PHIP: variants seen among roughly 807,000 people sequenced by gnomAD.
The protein encoded by PHIP is PH-interacting protein.
Under a neutral mutation model 236.8 loss-of-function variants are expected in PHIP, and 54 were observed. The ratio of observed to expected loss-of-function variants is 0.23; its 90% CI spans 0.18 to 0.29. The LOEUF (loss-of-function observed/expected upper bound fraction) is 0.29. PHIP is among the 10% of genes least tolerant of loss of function. The pLI, the probability that PHIP is intolerant of heterozygous loss-of-function variation, is 1.00. For missense variants in PHIP, 1,370 were observed against 2,190.8 expected (o/e 0.63, Z 7.48); for synonymous variants, 756 against 718.9 (o/e 1.05, Z -0.83).
At chr6:78,991,838 A>T (rs1562160026) in intron 19 of PHIP, among the ~76,000 whole-genome samples, 1 of 150,890 alleles carries the variant, frequency 6.6e-6, no homozygotes, top group Non-Finnish European at 1.5e-5. Flanking sequence ...CTTGGATTTA[A>T]TTTTTTTGTT....
Position 79,016,527 on chromosome 6 carries a change from C to A in PHIP, c.1235+17G>T, listed in dbSNP as rs773555763. 67 of 1,531,390 alleles carry A rather than the reference C, an allele frequency of 4.4e-5. No homozygotes were observed. Among genetic ancestry groups the A allele is most frequent in the Non-Finnish European group, 5.7e-5 (63 of 1,107,070 alleles). 94.9% of individuals were successfully genotyped at this position (1,531,390 alleles called of 1,614,324 possible). A position where few individuals can be genotyped will look rare whatever the true frequency, so the allele number is the denominator to read the frequency against. On this transcript the variant is annotated intron_variant, in intron 13 of 39. Coordinates refer to ENST00000275034, the MANE Select transcript of PHIP (RefSeq NM_017934.7). ...AAAAATCAATATATACATAATATTTCAAATTTGACCTCTTACCCTGCTGGA... is the reference window on the plus strand; with the variant it reads ...AAAAATCAATATATACATAATATTTAAAATTTGACCTCTTACCCTGCTGGA...
intron 17 of PHIP, among the ~76,000 whole-genome samples, chr6:78,999,162 T>C (rs138707737): frequency 3.9e-5 from 6 of 152,300 alleles, no homozygotes; most frequent in Non-Finnish European, 7.4e-5. Flanking sequence ...AGGGAGAAAC[T>C]TGTATTTTAA....
At chr6:78,950,301 A>T (rs1219858198) in intron 35 of PHIP, among the ~76,000 whole-genome samples, 1 of 152,170 alleles carries the variant, frequency 6.6e-6, no homozygotes, top group African/African-American at 2.4e-5. Flanking sequence ...ATTTCGTTAA[A>T]GGTTTTTCTT....
chr6:79,003,812 G>GGA lies in PHIP; in HGVS notation c.1569_1570dup (p.Pro524LeufsTer17). The GGA allele has an allele frequency of 6.2e-7, 1 of 1,610,546 alleles. No homozygotes were observed. Among genetic ancestry groups the GGA allele is most frequent in the Non-Finnish European group, 8.5e-7 (1 of 1,177,822 alleles). On this transcript the variant is annotated frameshift_variant, in exon 16 of 40. Coordinates refer to ENST00000275034, the MANE Select transcript of PHIP (RefSeq NM_017934.7). LOFTEE classifies it high-confidence loss of function. The stretch of plus-strand genomic sequence containing the variant: ...TGTGCATGCAAAATGCTGACCATCA[G>GGA]GAGAGCATTTGCAGTCAAATACTGC...
intron 6 of PHIP, among the ~76,000 whole-genome samples, chr6:79,054,555 AAAGAT>A (rs1772973975): frequency 6.6e-6 from 1 of 151,602 alleles, no homozygotes; most frequent in Admixed American, 6.6e-5. Context: ...CATATTAGAA[AAAGAT>A]AAGTGAACAG....
intron 19 of PHIP, among the ~76,000 whole-genome samples, chr6:78,995,259 T>C (rs116280080): frequency 1.2e-3 from 188 of 152,368 alleles, no homozygotes; most frequent in African/African-American, 4.3e-3. Context: ...TTTAACCATC[T>C]ACCCACTAAA....
In PHIP at chr6:78,945,348, G is replaced by A. The variant is rs775318448; in HGVS notation, c.4780C>T (p.Leu1594Phe). ...TTTGAAAGAGTGGACGCCTTTGGGA[G>A]TACAGATGACTTCATTTTACGTTTG... ...PVKRKMKSSV[L>F]PKASTLSKSS... Residue 1594 changes from leucine (L) to phenylalanine (F), a missense_variant, in exon 39 of 40, where the codon CTC (leucine) becomes TTC (phenylalanine). This residue lies in a region of PHIP where 309 missense variants were observed against 328.3 expected (regional missense o/e 0.94). Coordinates refer to ENST00000275034, the MANE Select transcript of PHIP (RefSeq NM_017934.7). The A allele has an allele frequency of 6.2e-7, 1 of 1,613,656 alleles. No homozygotes were observed. The highest frequency in any genetic ancestry group is 8.5e-7 in the Non-Finnish European group (1 of 1,179,694).
intron 7 of PHIP, among the ~76,000 whole-genome samples, chr6:79,031,692 G>A (rs1276630061): frequency 6.6e-6 from 1 of 152,136 alleles, no homozygotes; most frequent in African/African-American, 2.4e-5. Flanking sequence ...TGCACTTTAG[G>A]ATGAAGGAAG....
chr6:79,025,699 G>T, intron 8 of PHIP, 80 bp from the exon 9 acceptor site: 2 of 897,752 alleles, frequency 2.2e-6, no homozygotes, highest in South Asian at 1.4e-5. Flanking sequence ...CATACAAATA[G>T]CAACTAACAA....
At position 78,951,848 on chromosome 6, in the gene PHIP, C is replaced by T. The variant is rs537899119; in HGVS notation, c.4053+2966G>A. On this transcript the variant is annotated intron_variant, in intron 35 of 39. Transcript: ENST00000275034. ...ACTGGTGCACTGGACATAAGGGATA[C>T]GGGTTCCCATTGTGGCTTTGTCTAT... Among the ~76,000 whole-genome samples the T allele has an allele frequency of 3.9e-5, 6 of 152,262 alleles. No homozygotes were observed. The South Asian group carries it at 6.2e-4, about 16-fold the overall frequency.
chr6:79,017,604 T>C, intron 10 of PHIP, 21 bp from the exon 11 acceptor site: 1 of 1,526,956 alleles, frequency 6.5e-7, no homozygotes, highest in Non-Finnish European at 9.1e-7. Context: ...TAACAGCAAT[T>C]GTTAAGAAGT....
chr6:78,972,146 G>C (rs568707294), intron 24 of PHIP, among the ~76,000 whole-genome samples: 1 of 152,290 alleles, frequency 6.6e-6, no homozygotes, highest in East Asian at 1.9e-4. Context: ...GCTTTGAAGA[G>C]AGCAGTGGTT....
Position 79,049,366 on chromosome 6 carries a change from C to T in PHIP, c.440-6363G>A, listed in dbSNP as rs150252925. On this transcript the variant is annotated intron_variant, in intron 6 of 39. Transcript: ENST00000275034. ...CGTGAGCCACCATGGCTGGTCTTGA[C>T]TAGTTTTATTCTGTGATTCTAATTA... Among the ~76,000 whole-genome samples the T allele has an allele frequency of 6.4e-4, 97 of 152,170 alleles. 1 individual carries two copies. The South Asian group carries it at 8.1e-3, about 13-fold the overall frequency.
intron 32 of PHIP, chr6:78,957,639 T>C (rs1331122306): frequency 1.3e-5 from 2 of 150,054 alleles, no homozygotes; most frequent in East Asian, 3.9e-4. Context: ...TGAAAGCTGA[T>C]AACAGCTAAG....
rs1773408801 is a variant in PHIP at position 78,940,018 on chromosome 6, T to TA, written c.*674dup. ...ATATAAGAATCAAGGTCTGAAAAAT[T>TA]AGACAGTCAAATGTTTTCCAATGTG... On this transcript the variant is annotated 3_prime_UTR_variant, in exon 40 of 40. Coordinates refer to ENST00000275034, the MANE Select transcript of PHIP (RefSeq NM_017934.7). 6.6e-6 allele frequency: 1 copy of TA among 152,314 alleles called. No individual in the cohort carries two copies. Among genetic ancestry groups the TA allele is most frequent in the Non-Finnish European group, 1.5e-5 (1 of 67,892 alleles). The allele number at this position is 152,314 out of a possible 1,614,324, so 9.4% of individuals were successfully genotyped here.
At chr6:78,956,474 A>G (rs1168504667) in intron 32 of PHIP, 1 of 152,170 alleles carries the variant, frequency 6.6e-6, no homozygotes, top group Non-Finnish European at 1.5e-5. Flanking sequence ...CAGTCAAATT[A>G]ACATTTTTAA....
chr6:78,963,024 G>T, intron 30 of PHIP, 73 bp downstream of exon 30: 1 of 1,389,944 alleles, frequency 7.2e-7, no homozygotes, highest in Non-Finnish European at 9.6e-7. Context: ...AATTTTTGTT[G>T]GAGAATAACA....
At chr6:79,053,533 G>A (rs1025355061) in intron 6 of PHIP, among the ~76,000 whole-genome samples, 38 of 152,064 alleles carry the variant, frequency 2.5e-4, no homozygotes, top group Admixed American at 5.9e-4. Context: ...AATTTTCCCC[G>A]AGGCTTCCTT....
At chr6:78,945,746 A>C in intron 38 of PHIP, 2 of 600,918 alleles carry the variant, frequency 3.3e-6, no homozygotes, top group Non-Finnish European at 5.8e-6. Context: ...ATTGCTAGCT[A>C]GTGTGGGTAC....
Sources: gnomAD v4.1 joint callset for allele counts (sites outside exome capture counted in the v4.1 genomes callset) on GRCh38, gnomAD v4.1.1 for gene constraint, gnomAD v4.1.1 regional missense constraint, MANE v1.5 for transcripts, NCBI Gene and HGNC (gene_info 2026-07-23, HGNC 2026-07-21) for gene names.